PIK3R4: variants seen among roughly 807,000 people sequenced by gnomAD.
The protein encoded by PIK3R4 is phosphoinositide-3-kinase regulatory subunit 4.
In PIK3R4, 46 loss-of-function variants were observed where a neutral mutation model predicts 136.5. That is an observed-to-expected ratio of 0.34 (90% CI 0.27 to 0.43). The LOEUF (loss-of-function observed/expected upper bound fraction) is 0.43, where lower values mean the gene tolerates loss of function less well. PIK3R4 is among the 20% of genes least tolerant of loss of function. The pLI is 1.00. For missense variants in PIK3R4, 1,331 were observed against 1,649.5 expected (o/e 0.81, Z 3.35); for synonymous variants, 557 against 566.7 (o/e 0.98, Z 0.24).
chr3:130,740,017 C>A (rs1029381407), intron 2 of PIK3R4, among the ~76,000 whole-genome samples: 1 of 152,126 alleles, frequency 6.6e-6, no homozygotes, highest in Non-Finnish European at 1.5e-5. Context: ...CAGTAATGCA[C>A]CTATGGCAAC....
intron 10 of PIK3R4, 96 bp downstream of exon 10, chr3:130,708,195 A>T: frequency 1.0e-6 from 1 of 980,708 alleles, no homozygotes; most frequent in Non-Finnish European, 1.5e-6. Context: ...TTATCTGTGA[A>T]ATGGGGCTTT....
chr3:130,725,886 G>A (rs1372431117), intron 6 of PIK3R4: 1 of 151,982 alleles, frequency 6.6e-6, no homozygotes, highest in Non-Finnish European at 1.5e-5. Flanking sequence ...ATCAAAACAA[G>A]TTATCATTTT....
chr3:130,721,177 T>C (rs2066698000), intron 7 of PIK3R4, among the ~76,000 whole-genome samples: 1 of 140,926 alleles, frequency 7.1e-6, no homozygotes. Context: ...CTACTAAAAA[T>C]ACAAAAAAAA....
intron 9 of PIK3R4, among the ~76,000 whole-genome samples, chr3:130,713,150 A>C (rs2066641949): frequency 6.6e-6 from 1 of 152,216 alleles, no homozygotes; most frequent in South Asian, 2.1e-4. Flanking sequence ...TGGCTTTCAA[A>C]AAACCGGAAG....
At chr3:130,686,454 A>G (rs1269806834) in intron 14 of PIK3R4, 32 bp from the exon 15 acceptor site, 1 of 1,350,700 alleles carries the variant, frequency 7.4e-7, no homozygotes, top group East Asian at 2.3e-5. Context: ...AGACGTTTCC[A>G]GTCACTGAAA....
chr3:130,731,260 T>C (rs985878018), intron 4 of PIK3R4, among the ~76,000 whole-genome samples: 1 of 152,246 alleles, frequency 6.6e-6, no homozygotes, highest in Non-Finnish European at 1.5e-5. Context: ...TAGCAGTGAA[T>C]AGCACTGAAC....
intron 14 of PIK3R4, among the ~76,000 whole-genome samples, chr3:130,687,825 C>T (rs1271519719): frequency 6.6e-6 from 1 of 152,148 alleles, no homozygotes; most frequent in African/African-American, 2.4e-5. Context: ...TTTTTTGACA[C>T]CACAAGATGC....
At chr3:130,729,875 T>G (rs1261664707) in intron 5 of PIK3R4, among the ~76,000 whole-genome samples, 1 of 152,154 alleles carries the variant, frequency 6.6e-6, no homozygotes, top group Non-Finnish European at 1.5e-5. Flanking sequence ...CATCAATAAG[T>G]TTACCATCAT....
rs2066438185 is a variant in PIK3R4, at chr3:130,679,210, C to T, written c.*105G>A. 1 of 641,362 alleles carries T rather than the reference C, an allele frequency of 1.6e-6. No individual in the cohort carries two copies. The highest frequency in any genetic ancestry group is 1.9e-5 in the African/African-American group (1 of 53,606). 39.7% of individuals were successfully genotyped at this position (641,362 alleles called of 1,614,324 possible). Reference sequence around the variant, plus strand: ...CAGTCATGAAACAGTAATATGGAGACATAATTTTGAAAATTAAGCAAATGA... The same window carrying T: ...CAGTCATGAAACAGTAATATGGAGATATAATTTTGAAAATTAAGCAAATGA... On this transcript the variant is annotated 3_prime_UTR_variant, in exon 20 of 20. Coordinates refer to ENST00000356763, the MANE Select transcript of PIK3R4 (RefSeq NM_014602.3).
intron 13 of PIK3R4, among the ~76,000 whole-genome samples, chr3:130,693,885 T>C (rs2066532589): frequency 2.0e-5 from 3 of 152,146 alleles, no homozygotes; most frequent in Non-Finnish European, 2.9e-5. Flanking sequence ...TGCCTATGTT[T>C]TCTTCTAAGT....
chr3:130,745,530 A>G (rs2066847674), intron 1 of PIK3R4, among the ~76,000 whole-genome samples: 1 of 152,242 alleles, frequency 6.6e-6, no homozygotes, highest in Admixed American at 6.5e-5. Context: ...GAGCTGAACT[A>G]TATTTAGATA....
chr3:130,711,087 G>A (rs968380372), intron 9 of PIK3R4, among the ~76,000 whole-genome samples: 2 of 150,900 alleles, frequency 1.3e-5, no homozygotes, highest in Non-Finnish European at 2.9e-5. Context: ...TGGTAACTAA[G>A]AAAGTGCAGT....
intron 5 of PIK3R4, among the ~76,000 whole-genome samples, 178 bp from the exon 6 acceptor site, chr3:130,728,862 G>A (rs2066747808): frequency 6.6e-6 from 1 of 151,956 alleles, no homozygotes; most frequent in African/African-American, 2.4e-5. Context: ...TCTGAAGGAT[G>A]GGAAACTGAA....
chr3:130,708,772 C>T (rs771657356), intron 9 of PIK3R4, among the ~76,000 whole-genome samples: 12 of 152,038 alleles, frequency 7.9e-5, no homozygotes, highest in Non-Finnish European at 1.3e-4. Context: ...CATAACTCAT[C>T]TTTGGAATTT....
intron 7 of PIK3R4, 85 bp downstream of exon 7, chr3:130,723,329 C>T: frequency 4.3e-6 from 5 of 1,154,752 alleles, no homozygotes; most frequent in South Asian, 1.5e-5. Flanking sequence ...ATAGCAGGAA[C>T]AATAAAGTTG....
chr3:130,708,587 A>G, intron 9 of PIK3R4, 95 bp from the exon 10 acceptor site: 1 of 1,078,616 alleles, frequency 9.3e-7, no homozygotes, highest in Non-Finnish European at 1.3e-6. Flanking sequence ...AAATCACCCA[A>G]TTTAAAACTG....
At chr3:130,704,009 A>C (rs75940184) in intron 12 of PIK3R4, 121 bp from the exon 13 acceptor site, 26,423 of 663,190 alleles carry the variant, frequency 0.04, 680 homozygotes, top group Non-Finnish European at 0.053. Context: ...AAATATTTGA[A>C]AGTACCAATA....
At chr3:130,732,424 G>A (rs1400498362) in intron 4 of PIK3R4, among the ~76,000 whole-genome samples, 2 of 145,018 alleles carry the variant, frequency 1.4e-5, no homozygotes, top group East Asian at 4.1e-4. Flanking sequence ...AGAAGACAGA[G>A]CTTGTTTTTA....
intron 5 of PIK3R4, among the ~76,000 whole-genome samples, chr3:130,729,178 C>G (rs575527457): frequency 2.0e-5 from 3 of 152,198 alleles, no homozygotes; most frequent in South Asian, 4.1e-4. Flanking sequence ...ACTGTCTTCT[C>G]TGGTCTTACC....
Sources: gnomAD v4.1 joint callset for allele counts (sites outside exome capture counted in the v4.1 genomes callset) on GRCh38, gnomAD v4.1.1 for gene constraint, MANE v1.5 for transcripts, NCBI Gene and HGNC (gene_info 2026-07-23, HGNC 2026-07-21) for gene names.